NME9: variants seen among roughly 807,000 people sequenced by gnomAD.
NME9 encodes the protein NME/NM23 family member 9.
A neutral mutation model predicts 44.4 loss-of-function variants in NME9; 48 were observed. That is an observed-to-expected ratio of 1.08 (90% CI 0.86 to 1.37). The LOEUF is 1.37. Among genes scored for constraint, NME9 ranks in the 40% most tolerant of loss-of-function variants. The pLI, the probability that NME9 is intolerant of heterozygous loss-of-function variation, is 0.00. For missense variants in NME9, 325 were observed against 405.2 expected, an observed-to-expected ratio of 0.80 and a Z score of 1.70; for synonymous variants, 139 against 147.1, an observed-to-expected ratio of 0.94 and a Z score of 0.40.
Position 138,301,043 on chromosome 3 carries a change from T to A in NME9, c.*597A>T. On this transcript the variant is annotated 3_prime_UTR_variant, in exon 11 of 11. Transcript: ENST00000333911. ...TTATTGTTGGGGAAACACCATCTCA[T>A]ATAACCCAGTATCCTCTGAGATGAC... 1 of 973,560 alleles carries A rather than the reference T, an allele frequency of 1.0e-6. No individual in the cohort carries two copies. The highest frequency in any genetic ancestry group is 1.2e-6 in the Non-Finnish European group (1 of 819,156). The allele number at this position is 973,560 out of a possible 1,614,324, so 60.3% of individuals were successfully genotyped here.
At position 138,301,454 on chromosome 3, in the gene NME9, C is replaced by T. The variant is rs567735729; in HGVS notation, c.*186G>A. ...TCCTAATCTCAGGTGATCCACCTGCCTCGGCCTCCCAAAGTGCTGGGATTA... is the reference window on the plus strand; with the variant it reads ...TCCTAATCTCAGGTGATCCACCTGCTTCGGCCTCCCAAAGTGCTGGGATTA... On this transcript the variant is annotated 3_prime_UTR_variant, in exon 11 of 11. Transcript: ENST00000333911. 8.3e-7 allele frequency: 1 copy of T among 1,202,624 alleles called. No homozygotes were observed. Among genetic ancestry groups the T allele is most frequent in the South Asian group, 1.6e-5 (1 of 60,628 alleles). The allele number at this position is 1,202,624 out of a possible 1,614,324, so 74.5% of individuals were successfully genotyped here.
In NME9 at chr3:138,280,051, G is replaced by T. The variant is rs111417187; in HGVS notation, c.746-17465C>A. Among the ~76,000 whole-genome samples the T allele has an allele frequency of 9.3e-3, 1,405 of 151,134 alleles. 14 individuals carry two copies. The highest frequency in any genetic ancestry group is 0.033 in the African/African-American group (1,339 of 41,152). On this transcript the variant is annotated intron_variant, in intron 8 of 8. Transcript: ENST00000317876. The stretch of plus-strand genomic sequence containing the variant: ...CCCAAGTAGCTGGGATTACAGGCAC[G>T]TGTCACCACACCCTGCTAATTTTTG...
intron 2 of NME9, 178 bp downstream of exon 2, chr3:138,324,693 TAC>T (rs55961241): frequency 0.15 from 76,806 of 523,436 alleles, 3,165 homozygotes; most frequent in African/African-American, 0.24. Context: ...TCAAGCCAGA[TAC>T]ACACACACAC....
intron 8 of NME9, chr3:138,274,675 G>C (rs1263069338): frequency 6.1e-6 from 4 of 660,016 alleles, no homozygotes; most frequent in Non-Finnish European, 1.0e-5. Flanking sequence ...GAAATAGGAA[G>C]AAATATCTTC....
chr3:138,283,700 TG>T (rs775576889), intron 8 of NME9, among the ~76,000 whole-genome samples: 6 of 152,218 alleles, frequency 3.9e-5, no homozygotes, highest in Non-Finnish European at 7.3e-5. Context: ...GCTTTGAGAA[TG>T]GAACAGCTGA....
chr3:138,265,346 C>A (rs1462926438), intron 8 of NME9, among the ~76,000 whole-genome samples: 1 of 152,192 alleles, frequency 6.6e-6, no homozygotes, highest in African/African-American at 2.4e-5. Context: ...TCCCCTGATA[C>A]ACTACAAAAC....
At chr3:138,294,047 CAATA>C (rs2051240803) in intron 8 of NME9, among the ~76,000 whole-genome samples, 1 of 152,092 alleles carries the variant, frequency 6.6e-6, no homozygotes. Flanking sequence ...AGTAGAAAGA[CAATA>C]AAGGTACAGT....
chr3:138,327,715 G>T (rs2053882607), intron 1 of NME9, among the ~76,000 whole-genome samples: 1 of 152,090 alleles, frequency 6.6e-6, no homozygotes, highest in Admixed American at 6.5e-5. Flanking sequence ...CTTATAGAGA[G>T]GTGACCTTTA....
At chr3:138,269,002 A>C (rs1402773004) in intron 8 of NME9, among the ~76,000 whole-genome samples, 4 of 152,186 alleles carry the variant, frequency 2.6e-5, no homozygotes, top group Admixed American at 2.6e-4. Flanking sequence ...TATTAAGCGT[A>C]AAAGGGGCAT....
At chr3:138,269,971 G>A (rs2048637197) in intron 8 of NME9, 1 of 1,019,968 alleles carries the variant, frequency 9.8e-7, no homozygotes, top group African/African-American at 1.6e-5. Context: ...AAGTGCCAAG[G>A]TATATGCATG....
intron 8 of NME9, among the ~76,000 whole-genome samples, chr3:138,266,455 A>C (rs1329228165): frequency 6.6e-6 from 1 of 152,060 alleles, no homozygotes; most frequent in Non-Finnish European, 1.5e-5. Context: ...GAATTCATGT[A>C]CCTATTTAGT....
At chr3:138,287,755 T>C (rs1164110805) in intron 8 of NME9, 2 of 452,056 alleles carry the variant, frequency 4.4e-6, no homozygotes, top group Admixed American at 2.4e-5. Flanking sequence ...TGAAATATAG[T>C]CCTACATGAG....
chr3:138,310,723 C>T (rs565944595), intron 6 of NME9, among the ~76,000 whole-genome samples: 8 of 151,864 alleles, frequency 5.3e-5, no homozygotes, highest in Admixed American at 2.6e-4. Flanking sequence ...CAAATGAAAA[C>T]GGAAATACAC....
intron 2 of NME9, among the ~76,000 whole-genome samples, chr3:138,321,002 TG>T (rs1310557683): frequency 6.6e-5 from 10 of 152,226 alleles, no homozygotes; most frequent in African/African-American, 2.4e-4. Flanking sequence ...ACTACCTATC[TG>T]TGGTGTCCTG....
Position 138,329,835 on chromosome 3 carries a change from GC to G in NME9, c.-501del. 2 of 986,070 alleles carry G rather than the reference GC, an allele frequency of 2.0e-6. No homozygotes were observed. 61.1% of individuals were successfully genotyped at this position (986,070 alleles called of 1,614,324 possible). ...CACCAACCGAGTCTGCCGCGACCTA[GC>G]CGCGGTCGTCATGGCAACCTGGCCC... On this transcript the variant is annotated 5_prime_UTR_variant, in exon 1 of 11. The change creates a premature stop within an existing upstream ORF in the 5' untranslated region. Coordinates refer to ENST00000333911, the MANE Select transcript of NME9 (RefSeq NM_001349018.2).
At chr3:138,278,017 C>A (rs2049474325) in intron 8 of NME9, among the ~76,000 whole-genome samples, 1 of 152,118 alleles carries the variant, frequency 6.6e-6, no homozygotes, top group Non-Finnish European at 1.5e-5. Context: ...AGGCAAGATA[C>A]TATATGATCC....
chr3:138,285,918 C>CA (rs2050362678), intron 8 of NME9, among the ~76,000 whole-genome samples: 1 of 152,062 alleles, frequency 6.6e-6, no homozygotes, highest in African/African-American at 2.4e-5. Flanking sequence ...GAGACATACC[C>CA]ATTTCTCTGT....
At chr3:138,311,794 G>A (rs2052721972) in intron 6 of NME9, among the ~76,000 whole-genome samples, 1 of 152,080 alleles carries the variant, frequency 6.6e-6, no homozygotes, top group Non-Finnish European at 1.5e-5. Context: ...ATAGTGAATG[G>A]GGAAAATTTC....
At chr3:138,269,989 T>A in intron 8 of NME9, 1 of 1,321,936 alleles carries the variant, frequency 7.6e-7, no homozygotes. Flanking sequence ...ATGTTTAGTT[T>A]GCAAACTGGA....
Sources: gnomAD v4.1 joint callset for allele counts (sites outside exome capture counted in the v4.1 genomes callset) on GRCh38, gnomAD v4.1.1 for gene constraint, MANE v1.5 for transcripts, NCBI Gene and HGNC (gene_info 2026-07-23, HGNC 2026-07-21) for gene names.